Variants in HTD2 observed in about 807,000 individuals in gnomAD.
The protein encoded by HTD2 is hydroxyacyl-thioester dehydratase type 2, mitochondrial.
Under a neutral mutation model 3.1 loss-of-function variants are expected in HTD2, and 1 was observed. The ratio of observed to expected loss-of-function variants is 0.32; its 90% CI spans 0.11 to 1.52. The LOEUF (loss-of-function observed/expected upper bound fraction) is 1.52. Among genes scored for constraint, HTD2 ranks in the 40% most tolerant of loss-of-function variants. HTD2 has a pLI of 0.39. For missense variants in HTD2, 150 were observed against 79.6 expected, an observed-to-expected ratio of 1.88 and a Z score of -3.36; for synonymous variants, 50 against 28.9, an observed-to-expected ratio of 1.73 and a Z score of -2.34.
intron 2 of HTD2, among the ~76,000 whole-genome samples, chr3:58,312,339 C>CCT (rs1559794008): frequency 7.9e-6 from 1 of 127,226 alleles, no homozygotes; most frequent in African/African-American, 2.9e-5. Context: ...TCCGCACCCC[C>CCT]CCCCGCCCCT....
chr3:58,317,824 GA>G lies in HTD2; in HGVS notation c.212del (p.Asp71AlafsTer17). 1.4e-6 allele frequency: 1 copy of G among 703,018 alleles called. No homozygotes were observed. 43.5% of individuals were successfully genotyped at this position (703,018 alleles called of 1,614,324 possible). ...TGTCAATCCTTTGCATTTGAATGAA[GA>G]CTTTGCAAAACACACCAAGTTTGGA... The part of the protein sequence containing the change: ...GDVNPLHLNE[D>X]FAKHTKFGNT... On this transcript the variant is annotated frameshift_variant, in exon 5 of 5. Transcript: ENST00000461393. LOFTEE classifies it high-confidence loss of function.
intron 2 of HTD2, among the ~76,000 whole-genome samples, chr3:58,313,222 G>A (rs978055547): frequency 6.6e-6 from 1 of 152,120 alleles, no homozygotes; most frequent in Non-Finnish European, 1.5e-5. Flanking sequence ...TCACGCCACT[G>A]CACTCCAGCC....
At chr3:58,312,866 CAGG>C (rs1298522760) in intron 2 of HTD2, among the ~76,000 whole-genome samples, 3 of 148,984 alleles carry the variant, frequency 2.0e-5, no homozygotes, top group Non-Finnish European at 2.9e-5. Flanking sequence ...AAGACTGAGG[CAGG>C]AGAATTGCTT....
chr3:58,316,132 A>G (rs2097488068), intron 2 of HTD2, among the ~76,000 whole-genome samples: 1 of 152,276 alleles, frequency 6.6e-6, no homozygotes, highest in African/African-American at 2.4e-5. Context: ...GGCCTCTGCC[A>G]CATGGACTAA....
intron 2 of HTD2, among the ~76,000 whole-genome samples, chr3:58,314,054 T>C (rs902803311): frequency 5.3e-5 from 8 of 151,950 alleles, no homozygotes; most frequent in Non-Finnish European, 1.2e-4. Context: ...AGACCATGTC[T>C]CAAAAATAAT....
At chr3:58,313,524 T>C (rs1488595185) in intron 2 of HTD2, among the ~76,000 whole-genome samples, 1 of 152,190 alleles carries the variant, frequency 6.6e-6, no homozygotes, top group Admixed American at 6.5e-5. Context: ...TGCAAAAGAC[T>C]CTTAAGAGGA....
chr3:58,309,784 C>T (rs1472550333), intron 1 of HTD2, among the ~76,000 whole-genome samples: 1 of 151,946 alleles, frequency 6.6e-6, no homozygotes, highest in Non-Finnish European at 1.5e-5. Flanking sequence ...CCCAGCTACT[C>T]GGGAGGCTGA....
In HTD2 at chr3:58,317,620, C is replaced by T; in HGVS notation, c.7C>T (p.Pro3Ser). The T allele has an allele frequency of 1.3e-6, 1 of 751,322 alleles. No homozygotes were observed. The highest frequency in any genetic ancestry group is 2.3e-6 in the Non-Finnish European group (1 of 426,604). 46.5% of individuals were successfully genotyped at this position (751,322 alleles called of 1,614,324 possible). A position where few individuals can be genotyped will look rare whatever the true frequency, so the allele number is the denominator to read the frequency against. Residue 3 changes from proline (P) to serine (S), a missense_variant, in exon 5 of 5, where the codon CCA becomes TCA. By Grantham distance (74) the Pro-to-Ser change is moderately conservative (BLOSUM62 -1). Coordinates refer to ENST00000461393, the MANE Select transcript of HTD2 (RefSeq NM_001348712.2). ...AAATTTGAGGGTGCTGAAGATGTTC[C>T]CACTAATTTCCAGCCATCACCTTTG... MFPLISSHHLWWG... is the reference protein window; with the variant it reads MFSLISSHHLWWG...
intron 2 of HTD2, among the ~76,000 whole-genome samples, chr3:58,314,675 ATTTTTTTTTT>A (rs751757663): frequency 1.4e-4 from 13 of 90,560 alleles, no homozygotes; most frequent in Non-Finnish European, 2.5e-4. Flanking sequence ...GTTTGGCAGT[ATTTTTTTTTT>A]TTTTTTTTTT....
Position 58,316,909 on chromosome 3 carries a change from C to A in HTD2, c.-253-6C>A. On this transcript the variant is annotated splice_polypyrimidine_tract_variant and splice_region_variant and intron_variant, in intron 3 of 4. Coordinates refer to ENST00000461393, the MANE Select transcript of HTD2 (RefSeq NM_001348712.2). ...CACACTATGTATTTTCTTGATCTTTCTGCAGTGGTCTTGTCAAATTGTGGA... is the reference window on the plus strand; with the variant it reads ...CACACTATGTATTTTCTTGATCTTTATGCAGTGGTCTTGTCAAATTGTGGA... 1 of 1,610,330 alleles carries A rather than the reference C, an allele frequency of 6.2e-7. No individual in the cohort carries two copies. The highest frequency in any genetic ancestry group is 8.5e-7 in the Non-Finnish European group (1 of 1,177,532).
chr3:58,312,406 C>A, intron 2 of HTD2, among the ~76,000 whole-genome samples: 1 of 135,796 alleles, frequency 7.4e-6, no homozygotes, highest in East Asian at 2.2e-4. Context: ...ACTACAGGTA[C>A]CTGCCACCAC....
At chr3:58,312,332 G>GCCCCCC (rs1217680908) in intron 2 of HTD2, among the ~76,000 whole-genome samples, 2 of 85,368 alleles carry the variant, frequency 2.3e-5, no homozygotes, top group African/African-American at 4.1e-5. Context: ...CACAACCTCC[G>GCCCCCC]CACCCCCCCC....
intron 1 of HTD2, 55 bp from the exon 2 acceptor site, chr3:58,310,452 T>G: frequency 1.2e-6 from 2 of 1,603,144 alleles, no homozygotes; most frequent in Non-Finnish European, 1.7e-6. Context: ...TTTTCTAACA[T>G]GAATCTGAAT....
chr3:58,317,592 A>C lies in HTD2; in HGVS notation c.-22A>C, dbSNP rs777856787. ...GACTGAAGCAGGCTAAAAGCTCTTG[A>C]TGAAATTTGAGGGTGCTGAAGATGT... On this transcript the variant is annotated 5_prime_UTR_variant, in exon 5 of 5. An upstream start codon of the reference 5' UTR is lost. Transcript: ENST00000461393. 22 of 876,506 alleles carry C rather than the reference A, an allele frequency of 2.5e-5. No individual in the cohort carries two copies. The highest frequency in any genetic ancestry group is 5.9e-5 in the Admixed American group (3 of 50,712). 54.3% of individuals were successfully genotyped at this position (876,506 alleles called of 1,614,324 possible). A position where few individuals can be genotyped will look rare whatever the true frequency, so the allele number is the denominator to read the frequency against.
intron 4 of HTD2, among the ~76,000 whole-genome samples, 173 bp from the exon 5 acceptor site, chr3:58,317,267 G>T (rs563535513): frequency 6.6e-6 from 1 of 152,086 alleles, no homozygotes. Flanking sequence ...TTATATATTG[G>T]TACGCTCTTT....
At position 58,319,660 on chromosome 3, in the gene HTD2, T is replaced by C. The variant is rs1302923151; in HGVS notation, c.*1540T>C. On this transcript the variant is annotated 3_prime_UTR_variant, in exon 5 of 5. Transcript: ENST00000461393. The stretch of plus-strand genomic sequence containing the variant: ...AAAAAAAAAAATTGTAAGAAATAAA[T>C]ATTAAGAAGATTATGGAGGCCAAAT... 3 of 151,612 alleles carry C rather than the reference T, an allele frequency of 2.0e-5. No individual in the cohort carries two copies. Among genetic ancestry groups the C allele is most frequent in the African/African-American group, 7.3e-5 (3 of 41,228 alleles). The allele number at this position is 151,612 out of a possible 1,614,324, so 9.4% of individuals were successfully genotyped here. A position where few individuals can be genotyped will look rare whatever the true frequency, so the allele number is the denominator to read the frequency against.
At chr3:58,307,849 G>A (rs2097477207) in intron 1 of HTD2, 1 of 150,702 alleles carries the variant, frequency 6.6e-6, no homozygotes, top group African/African-American at 2.4e-5. Flanking sequence ...AGAGGGCAGT[G>A]CTGTCATTTG....
Position 58,316,686 on chromosome 3 carries a change from T to G in HTD2, c.-254+95T>G, listed in dbSNP as rs770888075. ...CTGAGAATGAGAATAAATTTTTTGT[T>G]GTGAACTCTGAGCAGCTTTTGGGAA... is the stretch of plus-strand genomic sequence containing the variant. On this transcript the variant is annotated intron_variant, in intron 3 of 4. Transcript: ENST00000461393. 4.6e-4 allele frequency: 530 copies of G among 1,153,154 alleles called. No homozygotes were observed. The highest frequency in any genetic ancestry group is 2.9e-4 in the Non-Finnish European group (223 of 773,660). 71.4% of individuals were successfully genotyped at this position (1,153,154 alleles called of 1,614,324 possible).
intron 2 of HTD2, among the ~76,000 whole-genome samples, chr3:58,313,002 G>A (rs560063586): frequency 1.2e-3 from 168 of 137,560 alleles, no homozygotes; most frequent in East Asian, 3.5e-3. Context: ...GGTAGCTCAC[G>A]CCTGTAATCC....
Sources: allele counts gnomAD v4.1 joint callset (sites outside exome capture counted in the v4.1 genomes callset), GRCh38; gene constraint gnomAD v4.1.1; transcripts MANE v1.5; gene names NCBI Gene and HGNC (gene_info 2026-07-23, HGNC 2026-07-21).